Variants in NSF observed in about 807,000 individuals in gnomAD.
NSF encodes the protein vesicle-fusing ATPase.
A neutral mutation model predicts 50.3 loss-of-function variants in NSF; 14 were observed. That is an observed-to-expected ratio of 0.28 (90% CI 0.18 to 0.44). NSF has a LOEUF of 0.44. Ranked by LOEUF, NSF falls within the 20% of genes least tolerant of loss-of-function variation. NSF has a pLI of 1.00. For synonymous variants in NSF, 109 were observed against 175.7 expected (o/e 0.62, Z 3.00); for missense variants, 218 against 504.3 (o/e 0.43, Z 5.44).
intron 15 of NSF, among the ~76,000 whole-genome samples, chr17:46,720,662 T>G (rs1388873670): frequency 2.0e-5 from 3 of 152,216 alleles, no homozygotes. Flanking sequence ...AGAGTATGCT[T>G]TTAACTAATC....
intron 17 of NSF, among the ~76,000 whole-genome samples, 169 bp from the exon 18 acceptor site, chr17:46,749,604 C>CT (rs36049957): frequency 6.6e-6 from 1 of 152,098 alleles, no homozygotes; most frequent in Non-Finnish European, 1.5e-5. Flanking sequence ...TGGTTGGTAC[C>CT]TTTTTTCAGG....
At chr17:46,732,449 A>G (rs886876267) in intron 17 of NSF, among the ~76,000 whole-genome samples, 2 of 140,162 alleles carry the variant, frequency 1.4e-5, no homozygotes, top group African/African-American at 5.4e-5. Context: ...TTGGATTTTC[A>G]GTGTAGAACT....
intron 19 of NSF, 113 bp downstream of exon 19, chr17:46,751,729 T>TA: frequency 1.6e-6 from 1 of 613,008 alleles, no homozygotes; most frequent in South Asian, 3.2e-5. Flanking sequence ...TTGATTTTCT[T>TA]ATATTATTTC....
At chr17:46,748,711 T>G (rs1308799134) in intron 17 of NSF, among the ~76,000 whole-genome samples, 1 of 152,244 alleles carries the variant, frequency 6.6e-6, no homozygotes, top group Admixed American at 6.5e-5. Flanking sequence ...GAGGGGAATT[T>G]CTTCAAGAAC....
chr17:46,731,885 A>T (rs2058952366), intron 17 of NSF, among the ~76,000 whole-genome samples: 1 of 152,224 alleles, frequency 6.6e-6, no homozygotes, highest in Non-Finnish European at 1.5e-5. Context: ...TTAACAAAAT[A>T]AAAATGTGCT....
intron 1 of NSF, among the ~76,000 whole-genome samples, chr17:46,601,917 C>T (rs1598635669): frequency 1.4e-5 from 2 of 146,584 alleles, no homozygotes; most frequent in East Asian, 3.9e-4. Context: ...GGCATGGTGG[C>T]TCACACCTGT....
chr17:46,709,892 G>A (rs558222454), intron 13 of NSF, among the ~76,000 whole-genome samples: 9 of 152,280 alleles, frequency 5.9e-5, no homozygotes, highest in Non-Finnish European at 1.2e-4. Context: ...GCCAAAGAAT[G>A]AGAACCTTCC....
intron 17 of NSF, among the ~76,000 whole-genome samples, chr17:46,746,497 G>A (rs1482702526): frequency 3.3e-5 from 5 of 152,110 alleles, no homozygotes; most frequent in African/African-American, 9.7e-5. Flanking sequence ...ATCTTTTCCC[G>A]ATAGCCCATT....
At chr17:46,737,908 A>ATATTATTATTAT (rs138655503) in intron 17 of NSF, among the ~76,000 whole-genome samples, 2 of 145,870 alleles carry the variant, frequency 1.4e-5, no homozygotes, top group African/African-American at 5.1e-5. Flanking sequence ...TAAAATTAGC[A>ATATTATTATTAT]TATTATTATT....
chr17:46,737,572 C>CGTGTGTGT (rs10564190), intron 17 of NSF, among the ~76,000 whole-genome samples: 13 of 147,172 alleles, frequency 8.8e-5, no homozygotes, highest in African/African-American at 1.8e-4. Context: ...GGTGTGTGTG[C>CGTGTGTGT]GTGTGTGTGT....
At chr17:46,703,695 A>C (rs1232409943) in intron 12 of NSF, among the ~76,000 whole-genome samples, 21 of 151,512 alleles carry the variant, frequency 1.4e-4, no homozygotes, top group East Asian at 5.8e-4. Context: ...AAAAAAAAAA[A>C]AAAAAAAAAC....
chr17:46,740,459 A>G (rs2059058230), intron 17 of NSF, among the ~76,000 whole-genome samples: 1 of 152,180 alleles, frequency 6.6e-6, no homozygotes, highest in African/African-American at 2.4e-5. Context: ...CCTGATTAGA[A>G]CACAGGGGTC....
rs945564837 is a variant in NSF, at chr17:46,713,742, A to G, written c.1628-111A>G. On this transcript the variant is annotated intron_variant, in intron 14 of 20. Coordinates refer to ENST00000398238, the MANE Select transcript of NSF (RefSeq NM_006178.4). Reference sequence around the variant, plus strand: ...TGTGAAATTGTGTCAGGAAATGTTAATGAGCAACTAGTCGAGACCTCAGTA... The same window carrying G: ...TGTGAAATTGTGTCAGGAAATGTTAGTGAGCAACTAGTCGAGACCTCAGTA... 14 of 909,866 alleles carry G rather than the reference A, an allele frequency of 1.5e-5. No homozygotes were observed. The Admixed American group carries it at 4.2e-4, about 27-fold the overall frequency. 56.4% of individuals were successfully genotyped at this position (909,866 alleles called of 1,614,324 possible). A position where few individuals can be genotyped will look rare whatever the true frequency, so the allele number is the denominator to read the frequency against.
At chr17:46,595,601 C>G (rs1490251194) in intron 1 of NSF, among the ~76,000 whole-genome samples, 2 of 131,062 alleles carry the variant, frequency 1.5e-5, no homozygotes, top group African/African-American at 7.3e-5. Context: ...AAGCGATTCT[C>G]CCGCCTCAGC....
intron 17 of NSF, among the ~76,000 whole-genome samples, chr17:46,744,316 T>C (rs1384071290): frequency 1.3e-5 from 2 of 152,242 alleles, no homozygotes; most frequent in Admixed American, 6.5e-5. Context: ...ATGCTTAATA[T>C]TCTGAAATAT....
intron 13 of NSF, among the ~76,000 whole-genome samples, chr17:46,707,618 T>C (rs2058668919): frequency 6.6e-6 from 1 of 152,168 alleles, no homozygotes; most frequent in African/African-American, 2.4e-5. Flanking sequence ...AGTACCCATG[T>C]AAGTGGAATC....
intron 1 of NSF, among the ~76,000 whole-genome samples, chr17:46,622,599 G>A (rs1416056840): frequency 3.4e-5 from 5 of 146,580 alleles, no homozygotes; most frequent in Non-Finnish European, 6.0e-5. Flanking sequence ...CCTGGGCAAC[G>A]TGATGAAACC....
At chr17:46,737,487 G>T (rs1298728238) in intron 17 of NSF, among the ~76,000 whole-genome samples, 1 of 152,150 alleles carries the variant, frequency 6.6e-6, no homozygotes, top group Non-Finnish European at 1.5e-5. Context: ...CATACGAGGT[G>T]CTGGGGCTTG....
intron 13 of NSF, among the ~76,000 whole-genome samples, chr17:46,710,412 C>T (rs2058707891): frequency 6.6e-6 from 1 of 152,060 alleles, no homozygotes; most frequent in Admixed American, 6.6e-5. Flanking sequence ...ATTACAGCTC[C>T]TCATTTCTAT....
Sources: allele counts gnomAD v4.1 joint callset (sites outside exome capture counted in the v4.1 genomes callset), GRCh38; gene constraint gnomAD v4.1.1; transcripts MANE v1.5; gene names NCBI Gene and HGNC (gene_info 2026-07-23, HGNC 2026-07-21).